NUDCD3: variants seen among roughly 807,000 people sequenced by gnomAD.
The protein encoded by NUDCD3 is nudC domain-containing protein 3.
Under a neutral mutation model 39.7 loss-of-function variants are expected in NUDCD3, and 13 were observed. The ratio of observed to expected loss-of-function variants is 0.33; its 90% CI spans 0.21 to 0.52. NUDCD3 has a LOEUF of 0.52. Ranked by LOEUF, NUDCD3 falls within the 20% of genes least tolerant of loss-of-function variation. NUDCD3 has a pLI of 0.96. For synonymous variants in NUDCD3, 175 were observed against 172.4 expected, an observed-to-expected ratio of 1.02 and a Z score of -0.12; for missense variants, 453 against 458.1, an observed-to-expected ratio of 0.99 and a Z score of 0.10.
intron 3 of NUDCD3, among the ~76,000 whole-genome samples, chr7:44,420,959 A>T (rs950757526): frequency 2.4e-4 from 37 of 152,244 alleles, no homozygotes; most frequent in African/African-American, 8.4e-4. Flanking sequence ...CAAAATAACC[A>T]GCTAGCATCA....
At chr7:44,432,935 G>C (rs1006848865) in intron 2 of NUDCD3, among the ~76,000 whole-genome samples, 8 of 152,182 alleles carry the variant, frequency 5.3e-5, no homozygotes, top group East Asian at 1.9e-4. Flanking sequence ...CCCCTAAAAC[G>C]TGTATCTTGA....
rs1798305082 is a variant in NUDCD3, at chr7:44,381,551, G to T, written c.*4460C>A. ...CTCCTGTGATTGTAGCACAATGAGG[G>T]GTTAGACTACAAAGTCCCTCAGGCC... On this transcript the variant is annotated 3_prime_UTR_variant, in exon 6 of 6. Transcript: ENST00000355451. 1 of 152,248 alleles carries T rather than the reference G, an allele frequency of 6.6e-6. No individual in the cohort carries two copies. Among genetic ancestry groups the T allele is most frequent in the African/African-American group, 2.4e-5 (1 of 41,420 alleles). The allele number at this position is 152,248 out of a possible 1,614,324, so 9.4% of individuals were successfully genotyped here. A position where few individuals can be genotyped will look rare whatever the true frequency, so the allele number is the denominator to read the frequency against.
intron 2 of NUDCD3, among the ~76,000 whole-genome samples, chr7:44,432,898 T>C (rs913452227): frequency 2.0e-5 from 3 of 152,196 alleles, no homozygotes; most frequent in African/African-American, 7.2e-5. Context: ...TGTACATATA[T>C]GTGCTAGGGT....
intron 4 of NUDCD3, among the ~76,000 whole-genome samples, chr7:44,396,457 T>G (rs1798625974): frequency 6.6e-6 from 1 of 152,226 alleles, no homozygotes; most frequent in Non-Finnish European, 1.5e-5. Flanking sequence ...GCATGATAAT[T>G]ATTCTAAACA....
chr7:44,461,167 C>T (rs529481187), intron 2 of NUDCD3, among the ~76,000 whole-genome samples: 342 of 152,290 alleles, frequency 2.2e-3, no homozygotes, highest in Non-Finnish European at 4.2e-3. Context: ...CTGGCTTCTT[C>T]GGCCCTGCAC....
intron 5 of NUDCD3, among the ~76,000 whole-genome samples, chr7:44,389,940 G>T (rs570020343): frequency 6.6e-6 from 1 of 152,322 alleles, no homozygotes; most frequent in South Asian, 2.1e-4. Flanking sequence ...CTCCAATGAT[G>T]AGCAGGTATT....
chr7:44,461,715 G>A (rs985297299), intron 2 of NUDCD3, among the ~76,000 whole-genome samples: 3 of 152,162 alleles, frequency 2.0e-5, no homozygotes, highest in East Asian at 1.9e-4. Context: ...GGTTGAAAGG[G>A]GGAGGAAACA....
intron 4 of NUDCD3, among the ~76,000 whole-genome samples, chr7:44,394,041 A>G (rs1442122514): frequency 6.6e-6 from 1 of 152,226 alleles, no homozygotes; most frequent in East Asian, 1.9e-4. Context: ...GACTCTGCAG[A>G]GCCCAGGGAT....
At chr7:44,439,284 G>T (rs1210777518) in intron 2 of NUDCD3, among the ~76,000 whole-genome samples, 1 of 152,180 alleles carries the variant, frequency 6.6e-6, no homozygotes, top group Non-Finnish European at 1.5e-5. Flanking sequence ...CCTATTAAAA[G>T]AGGTTGTTAA....
rs1013026192 is a variant in NUDCD3 at position 44,385,073 on chromosome 7, T to C, written c.*938A>G. ...TGGGACAGTGTGCCTTCACGCCCCATGCAGAAATTCCTCCTCTCCCAGAAG... is the reference window on the plus strand; with the variant it reads ...TGGGACAGTGTGCCTTCACGCCCCACGCAGAAATTCCTCCTCTCCCAGAAG... On this transcript the variant is annotated 3_prime_UTR_variant, in exon 6 of 6. Transcript: ENST00000355451. 2.0e-5 allele frequency: 3 copies of C among 152,410 alleles called. No individual in the cohort carries two copies. Among genetic ancestry groups the C allele is most frequent in the Admixed American group, 6.5e-5 (1 of 15,300 alleles). The allele number at this position is 152,410 out of a possible 1,614,324, so 9.4% of individuals were successfully genotyped here.
chr7:44,470,022 A>G (rs560871392), intron 2 of NUDCD3, among the ~76,000 whole-genome samples: 5 of 152,340 alleles, frequency 3.3e-5, no homozygotes, highest in African/African-American at 9.6e-5. Context: ...GAATTTAAAC[A>G]AGGTCTACAG....
At chr7:44,429,634 A>G (rs1176454224) in intron 2 of NUDCD3, among the ~76,000 whole-genome samples, 1 of 152,198 alleles carries the variant, frequency 6.6e-6, no homozygotes, top group Non-Finnish European at 1.5e-5. Flanking sequence ...AAGGAAACTA[A>G]TTTCAATCAG....
chr7:44,418,474 T>A (rs752424249), intron 3 of NUDCD3, among the ~76,000 whole-genome samples: 3 of 152,222 alleles, frequency 2.0e-5, no homozygotes, highest in Non-Finnish European at 4.4e-5. Flanking sequence ...ATGCAGCTAT[T>A]CATTCATTCA....
chr7:44,444,159 G>T (rs1199568309), intron 2 of NUDCD3, among the ~76,000 whole-genome samples: 1 of 152,118 alleles, frequency 6.6e-6, no homozygotes, highest in Non-Finnish European at 1.5e-5. Context: ...TGCAAGGAGG[G>T]CTACAGACTC....
chr7:44,483,690 C>T (rs761558500), intron 2 of NUDCD3, among the ~76,000 whole-genome samples: 44 of 152,128 alleles, frequency 2.9e-4, no homozygotes, highest in Non-Finnish European at 5.6e-4. Flanking sequence ...CTTTACAAAA[C>T]TTATTTTCTC....
intron 2 of NUDCD3, 146 bp downstream of exon 2, chr7:44,484,822 G>A (rs1038468597): frequency 3.0e-6 from 2 of 677,052 alleles, no homozygotes; most frequent in Non-Finnish European, 4.9e-6. Flanking sequence ...CTGAAAGACT[G>A]TAATGCAGCA....
At chr7:44,489,679 GC>G (rs1270069722) in intron 1 of NUDCD3, 1 of 151,574 alleles carries the variant, frequency 6.6e-6, no homozygotes, top group Non-Finnish European at 1.5e-5. Context: ...TCAAATAATT[GC>G]CCTTAAAAAG....
chr7:44,380,741 T>C lies in NUDCD3; in HGVS notation c.*5270A>G, dbSNP rs1798292385. On this transcript the variant is annotated 3_prime_UTR_variant, in exon 6 of 6. Transcript: ENST00000355451. ...TCACAAGATGGCCTTGATCCCCAGT[T>C]ATCTGGATCCCCAGTTCCCTGAACC... is the stretch of plus-strand genomic sequence containing the variant. The C allele has an allele frequency of 2.6e-5, 4 of 152,266 alleles. No individual in the cohort carries two copies. The highest frequency in any genetic ancestry group is 1.3e-4 in the Admixed American group (2 of 15,286). 9.4% of individuals were successfully genotyped at this position (152,266 alleles called of 1,614,324 possible).
intron 3 of NUDCD3, among the ~76,000 whole-genome samples, chr7:44,426,721 G>A (rs900903819): frequency 2.6e-5 from 4 of 151,074 alleles, no homozygotes; most frequent in Admixed American, 1.3e-4. Context: ...GCGTGAACCC[G>A]GGAGGCGGAG....
Sources: gnomAD v4.1 joint callset for allele counts (sites outside exome capture counted in the v4.1 genomes callset) on GRCh38, gnomAD v4.1.1 for gene constraint, MANE v1.5 for transcripts, NCBI Gene and HGNC (gene_info 2026-07-23, HGNC 2026-07-21) for gene names.